Variants in SPAM1 observed in about 807,000 individuals in gnomAD.
SPAM1 encodes hyaluronidase PH-20.
SPAM1 carries 22 observed loss-of-function variants against 29.6 expected under a neutral mutation model. The observed-to-expected ratio is 0.74, with a 90% CI of 0.53 to 1.06. SPAM1 has a LOEUF of 1.06. Among genes scored for constraint, SPAM1 ranks in the 50% least tolerant of loss-of-function variants. SPAM1 has a pLI of 0.00. For missense variants in SPAM1, 534 were observed against 604.0 expected, an observed-to-expected ratio of 0.88 and a Z score of 1.21; for synonymous variants, 194 against 204.6, an observed-to-expected ratio of 0.95 and a Z score of 0.44.
chr7:123,945,861 G>A (rs1395951963), intron 1 of SPAM1, among the ~76,000 whole-genome samples: 1 of 151,776 alleles, frequency 6.6e-6, no homozygotes, highest in Admixed American at 6.6e-5. Flanking sequence ...GACAGACCTT[G>A]TTCCCCATAA....
chr7:123,927,129 T>A (rs955173374), intron 1 of SPAM1, among the ~76,000 whole-genome samples: 1 of 152,144 alleles, frequency 6.6e-6, no homozygotes, highest in African/African-American at 2.4e-5. Flanking sequence ...TAGGGTCCAA[T>A]AAAACCCATC....
chr7:123,961,935 C>T (rs531424423), downstream of SPAM1, among the ~76,000 whole-genome samples: 1 of 152,012 alleles, frequency 6.6e-6, no homozygotes, highest in South Asian at 2.1e-4. Flanking sequence ...TTCACTACCA[C>T]GAGAACAGTA....
intron 2 of SPAM1, among the ~76,000 whole-genome samples, chr7:123,952,464 T>C (rs551864726): frequency 3.3e-5 from 5 of 152,132 alleles, no homozygotes; most frequent in Admixed American, 2.0e-4. Flanking sequence ...CATTTAACTA[T>C]ATCTTCTTGC....
At chr7:123,971,400 T>G (rs1050416785) in exon 7 of SPAM1, 1 of 152,052 alleles carries the variant, frequency 6.6e-6, no homozygotes, top group African/African-American at 2.4e-5. Context: ...AATTTTGGTT[T>G]TGCTCAAAAA....
chr7:123,940,468 G>A (rs1263691679), intron 1 of SPAM1, among the ~76,000 whole-genome samples: 2 of 150,346 alleles, frequency 1.3e-5, no homozygotes, highest in African/African-American at 4.9e-5. Flanking sequence ...AACATAATTA[G>A]TATTGACTTA....
chr7:123,965,344 G>A (rs1349382641), intron 5 of SPAM1, among the ~76,000 whole-genome samples: 2 of 151,946 alleles, frequency 1.3e-5, no homozygotes, highest in African/African-American at 2.4e-5. Flanking sequence ...TGTTGCAATC[G>A]CTTTTGGCAT....
At chr7:123,957,550 G>C in intron 4 of SPAM1, among the ~76,000 whole-genome samples, 1 of 151,970 alleles carries the variant, frequency 6.6e-6, no homozygotes, top group East Asian at 1.9e-4. Flanking sequence ...GATGGATGGT[G>C]TATTAGTTTT....
chr7:123,935,070 C>T (rs13245000), intron 1 of SPAM1, among the ~76,000 whole-genome samples: 21,376 of 152,048 alleles, frequency 0.14, 1,815 homozygotes, highest in Non-Finnish European at 0.19. Flanking sequence ...GCATTGTATA[C>T]GTGTATTGAA....
At chr7:123,963,065 GT>G (rs1792381654), downstream of SPAM1, among the ~76,000 whole-genome samples, 1 of 151,820 alleles carries the variant, frequency 6.6e-6, no homozygotes, top group African/African-American at 2.4e-5. Flanking sequence ...AAATTTTATA[GT>G]TAATATCATG....
At chr7:123,968,567 G>C (rs1009463710) in intron 5 of SPAM1, among the ~76,000 whole-genome samples, 4 of 151,880 alleles carry the variant, frequency 2.6e-5, no homozygotes, top group Non-Finnish European at 4.4e-5. Context: ...TGAGCATGTT[G>C]TATTTGAGGT....
rs183199665 is a variant in SPAM1 at position 123,936,963 on chromosome 7, C to T, written c.-319+11611C>T. Among the ~76,000 whole-genome samples, 2 of 152,290 alleles carry T rather than the reference C, an allele frequency of 1.3e-5. 1 individual carries two copies. Among genetic ancestry groups the T allele is most frequent in the Admixed American group, 1.3e-4 (2 of 15,294 alleles). ...CTATGTATAACTCTTCCTCCTCCCA[C>T]CTCACCTTTCTTATTAACCACATTC... On this transcript the variant is annotated intron_variant, in intron 1 of 4. Transcript: ENST00000682466.
chr7:123,947,578 C>CACACA (rs1808620142), intron 1 of SPAM1: 16 of 147,754 alleles, frequency 1.1e-4, no homozygotes, highest in Admixed American at 3.4e-4. Flanking sequence ...GATTAAAACA[C>CACACA]CACACACACA....
In SPAM1 at chr7:123,965,770, G is replaced by T. The variant is rs1446023024; in HGVS notation, c.1486-4428G>T. On this transcript the variant is annotated intron_variant, in intron 5 of 6. Coordinates refer to the SPAM1 transcript ENST00000340011. ...AGCTTCGCTCTTTTTGTTTAGGATTGTCTTGCCTGTTTGGGCTCTTTTTCC... is the reference window on the plus strand; with the variant it reads ...AGCTTCGCTCTTTTTGTTTAGGATTTTCTTGCCTGTTTGGGCTCTTTTTCC... Among the ~76,000 whole-genome samples, 4 of 152,002 alleles carry T rather than the reference G, an allele frequency of 2.6e-5. No individual in the cohort carries two copies. The East Asian group carries it at 7.7e-4, about 29-fold the overall frequency.
rs762640029 is a variant in SPAM1, at chr7:123,954,412, G to A, written c.842G>A (p.Arg281Gln). The A allele has an allele frequency of 1.9e-6, 3 of 1,613,418 alleles. No individual in the cohort carries two copies. In the Admixed American group the frequency reaches 5.0e-5, roughly 27 times the overall value. The change falls in exon 3 of 5, where the codon CGA (arginine) becomes CAA (glutamine). Residue 281 changes from arginine to glutamine, a missense_variant. Arg to Gln is a conservative substitution (Grantham distance 43, BLOSUM62 1). Coordinates refer to ENST00000682466, the MANE Select transcript of SPAM1 (RefSeq NM_153189.3). Reference sequence around the variant, plus strand: ...GCTGCTACACTCTATGTGCGCAATCGAGTTCGGGAAGCCATCAGAGTTTCC... The same window carrying A: ...GCTGCTACACTCTATGTGCGCAATCAAGTTCGGGAAGCCATCAGAGTTTCC... ...PVAATLYVRNRVREAIRVSKI... is the reference protein window; with the variant it reads ...PVAATLYVRNQVREAIRVSKI...
Position 123,953,781 on chromosome 7 carries a change from AG to A in SPAM1, c.212del (p.Ser71ThrfsTer6), listed in dbSNP as rs780861117. On this transcript the variant is annotated frameshift_variant, in exon 3 of 5. Transcript: ENST00000682466. LOFTEE classifies it high-confidence loss of function. ...LGKFDEPLDM[S>X]LFSFIGSPRI... ...AAAATTTGATGAGCCACTAGATATG[AG>A]CCTCTTCTCTTTCATAGGAAGCCCC... The A allele has an allele frequency of 6.2e-7, 1 of 1,612,768 alleles. No individual in the cohort carries two copies. Among genetic ancestry groups the A allele is most frequent in the Non-Finnish European group, 8.5e-7 (1 of 1,179,520 alleles).
chr7:123,953,186 A>G (rs922197319), intron 2 of SPAM1, among the ~76,000 whole-genome samples, 179 bp from the exon 3 acceptor site: 1 of 152,086 alleles, frequency 6.6e-6, no homozygotes, highest in Non-Finnish European at 1.5e-5. Context: ...AATGTTAACT[A>G]GTATAGAGTT....
chr7:123,932,450 T>C (rs147290779), intron 1 of SPAM1: 35 of 152,408 alleles, frequency 2.3e-4, no homozygotes, highest in African/African-American at 7.0e-4. Context: ...TAACTGCCTA[T>C]GAAGATGAAT....
Position 123,959,833 on chromosome 7 carries a change from T to C in SPAM1, c.1394T>C (p.Ile465Thr). The C allele has an allele frequency of 5.6e-6, 9 of 1,613,270 alleles. No homozygotes were observed. The highest frequency in any genetic ancestry group is 7.6e-6 in the Non-Finnish European group (9 of 1,179,552). ...VDVCIADGVC[I>T]DAFLKPPMET... Reference sequence around the variant, plus strand: ...GTGTGTATTGCTGATGGTGTCTGTATAGATGCTTTTCTAAAACCTCCCATG... The same window carrying C: ...GTGTGTATTGCTGATGGTGTCTGTACAGATGCTTTTCTAAAACCTCCCATG... Residue 465 changes from isoleucine to threonine, a missense_variant, in exon 5 of 5, where the codon ATA becomes ACA. Transcript: ENST00000682466.
intron 2 of SPAM1, among the ~76,000 whole-genome samples, chr7:123,950,205 G>C (rs1808715554): frequency 6.6e-6 from 1 of 151,980 alleles, no homozygotes; most frequent in South Asian, 2.1e-4. Flanking sequence ...TTCTCTATTA[G>C]GGTACCTATG....
Sources: gnomAD v4.1 joint callset for allele counts (sites outside exome capture counted in the v4.1 genomes callset) on GRCh38, gnomAD v4.1.1 for gene constraint, MANE v1.5 for transcripts, NCBI Gene and HGNC (gene_info 2026-07-23, HGNC 2026-07-21) for gene names.